CFAP47: variants seen among roughly 807,000 people sequenced by gnomAD.
CFAP47 encodes cilia- and flagella-associated protein 47.
In CFAP47, 29 loss-of-function variants were observed where a neutral mutation model predicts 148.1. The observed-to-expected ratio is 0.20, with a 90% CI of 0.15 to 0.27. The LOEUF is 0.27. Among genes scored for constraint, CFAP47 ranks in the 10% least tolerant of loss-of-function variants. The pLI is 1.00. For missense variants in CFAP47, 1,872 were observed against 1,697.5 expected, an observed-to-expected ratio of 1.10 and a Z score of -1.81; for synonymous variants, 664 against 577.3, an observed-to-expected ratio of 1.15 and a Z score of -2.15.
At chrX:35,980,895 T>C (rs1936634017) in intron 15 of CFAP47, among the ~76,000 whole-genome samples, 1 of 111,068 alleles carries the variant, frequency 9.0e-6, no homozygotes, top group East Asian at 2.8e-4. Context: ...ACTTATTTAT[T>C]TGGACAATAA....
At chrX:35,993,134 T>G (rs2146685493) in intron 17 of CFAP47, 56 bp from the exon 18 acceptor site, 1 of 282,398 alleles carries the variant, frequency 3.5e-6, no homozygotes, top group East Asian at 5.0e-5. Context: ...CTATGAAAGC[T>G]TTGAAACTAT....
At chrX:36,140,503 G>A (rs1204048561) in intron 35 of CFAP47, among the ~76,000 whole-genome samples, 2 of 106,915 alleles carry the variant, frequency 1.9e-5, no homozygotes, top group African/African-American at 7.4e-5. Context: ...TCCAAGATTT[G>A]ATGAATGAAG....
chrX:36,105,090 T>A (rs1426706525), intron 33 of CFAP47, among the ~76,000 whole-genome samples: 3 of 111,750 alleles, frequency 2.7e-5, no homozygotes, highest in African/African-American at 9.7e-5. Flanking sequence ...CATATGAGGA[T>A]CATGTTGGAA....
chrX:36,040,682 A>G lies in CFAP47; in HGVS notation c.4007+1503A>G, dbSNP rs1937392954. ...CACCATGAGTTAGAAAATGTTAAAAAAATTCTACAGAGTGAAAGAAGAAAT... is the reference window on the plus strand; with the variant it reads ...CACCATGAGTTAGAAAATGTTAAAAGAATTCTACAGAGTGAAAGAAGAAAT... On this transcript the variant is annotated intron_variant, in intron 25 of 63. Transcript: ENST00000378653. 2.7e-5 allele frequency among the ~76,000 whole-genome samples: 3 copies of G among 111,975 alleles called. No individual in the cohort carries two copies. The South Asian group carries it at 1.1e-3, about 41-fold the overall frequency.
chrX:36,338,205 A>G (rs1457397962), intron 57 of CFAP47, among the ~76,000 whole-genome samples: 1 of 108,814 alleles, frequency 9.2e-6, no homozygotes, highest in Admixed American at 9.9e-5. Flanking sequence ...TACATTTTTA[A>G]TGGATTATTC....
At position 36,117,904 on chromosome X, in the gene CFAP47, G is replaced by A. The variant is rs909722522; in HGVS notation, c.5320+13213G>A. Among the ~76,000 whole-genome samples, 11 of 111,711 alleles carry A rather than the reference G, an allele frequency of 9.8e-5. No individual in the cohort carries two copies. The Admixed American group carries it at 1.0e-3, about 11-fold the overall frequency. ...TAGATTTAAGTCTTTAATCCATTTT[G>A]ATTTGATATTTATATACGAAAAGAG... On this transcript the variant is annotated intron_variant, in intron 33 of 63. Transcript: ENST00000378653.
intron 44 of CFAP47, among the ~76,000 whole-genome samples, 157 bp from the exon 45 acceptor site, chrX:36,204,800 G>A (rs1437415737): frequency 9.0e-6 from 1 of 111,405 alleles, no homozygotes; most frequent in Non-Finnish European, 1.9e-5. Context: ...TGTTTGTACT[G>A]TTTTCCACCA....
intron 2 of CFAP47, among the ~76,000 whole-genome samples, chrX:35,938,166 G>A (rs1422612504): frequency 1.8e-5 from 2 of 111,250 alleles, no homozygotes; most frequent in East Asian, 5.6e-4. Flanking sequence ...TAATATGTTA[G>A]CAGGTGAAAA....
chrX:36,171,574 T>C (rs1226864351), intron 39 of CFAP47, among the ~76,000 whole-genome samples: 2 of 110,264 alleles, frequency 1.8e-5, no homozygotes, highest in African/African-American at 6.6e-5. Context: ...CCATTGCTTG[T>C]TTTTCTCAGG....
chrX:36,204,040 A>G (rs1243481010), intron 44 of CFAP47, among the ~76,000 whole-genome samples: 1 of 111,729 alleles, frequency 9.0e-6, no homozygotes, highest in Non-Finnish European at 1.9e-5. Flanking sequence ...TTGGCTGCGT[A>G]AATGTCTTCT....
chrX:36,261,634 T>G (rs1304084709), intron 49 of CFAP47, among the ~76,000 whole-genome samples: 36 of 109,729 alleles, frequency 3.3e-4, no homozygotes, highest in African/African-American at 7.4e-4. Context: ...AGAGAGCACA[T>G]GGTTGGGGGT....
intron 21 of CFAP47, 127 bp from the exon 22 acceptor site, chrX:36,014,647 T>C (rs1199855438): frequency 3.9e-6 from 1 of 256,268 alleles, no homozygotes; most frequent in Non-Finnish European, 6.9e-6. Flanking sequence ...AAAAATGTAG[T>C]TCAATGTCGC....
At chrX:36,243,609 G>C (rs1268491838) in intron 48 of CFAP47, among the ~76,000 whole-genome samples, 1 of 97,190 alleles carries the variant, frequency 1.0e-5, no homozygotes, top group Admixed American at 1.1e-4. Flanking sequence ...ATGATAAAGG[G>C]TGCAAGTCAA....
intron 57 of CFAP47, 135 bp from the exon 58 acceptor site, chrX:36,347,994 A>T (rs187679877): frequency 3.4e-6 from 1 of 292,553 alleles, no homozygotes. Context: ...ATAATTTTGC[A>T]TAATGCGTTT....
chrX:36,289,987 C>G (rs1170334504), intron 51 of CFAP47, among the ~76,000 whole-genome samples: 3 of 110,425 alleles, frequency 2.7e-5, no homozygotes, highest in Admixed American at 9.7e-5. Context: ...TGCCTTTATT[C>G]TCTCTTTCTC....
At chrX:36,085,989 A>G (rs973582712) in intron 30 of CFAP47, among the ~76,000 whole-genome samples, 4 of 111,283 alleles carry the variant, frequency 3.6e-5, no homozygotes, top group African/African-American at 1.3e-4. Flanking sequence ...ACATAAATCC[A>G]TTTAGCTAAA....
intron 33 of CFAP47, among the ~76,000 whole-genome samples, chrX:36,124,763 G>A (rs985697059): frequency 9.0e-6 from 1 of 111,393 alleles, no homozygotes; most frequent in Admixed American, 9.6e-5. Context: ...TGCTTCTTAT[G>A]AAGATGTTTC....
chrX:36,379,640 A>T, intron 63 of CFAP47, 122 bp downstream of exon 63: 1 of 561,493 alleles, frequency 1.8e-6, no homozygotes, highest in East Asian at 3.7e-5. Context: ...CTGTGCAAAA[A>T]TCAACTTATC....
chrX:35,998,072 C>T (rs148643981), intron 19 of CFAP47, among the ~76,000 whole-genome samples: 1,185 of 111,130 alleles, frequency 0.011, 15 homozygotes, highest in African/African-American at 0.037. Context: ...TGTTTAACTT[C>T]ACAAGACTAT....
Sources: gnomAD v4.1 joint callset for allele counts (sites outside exome capture counted in the v4.1 genomes callset) on GRCh38, gnomAD v4.1.1 for gene constraint, MANE v1.5 for transcripts, NCBI Gene and HGNC (gene_info 2026-07-23, HGNC 2026-07-21) for gene names.